The following DGKI variants were observed in gnomAD, a reference collection of about 807,000 sequenced individuals.
DGKI encodes the protein diacylglycerol kinase iota.
In DGKI, 55 loss-of-function variants were observed where a neutral mutation model predicts 147.5. The ratio of observed to expected loss-of-function variants is 0.37; its 90% CI spans 0.30 to 0.47. The LOEUF is 0.47. DGKI is among the 20% of genes least tolerant of loss of function. The probability of loss-of-function intolerance (pLI) is 1.00; values close to 1 mark genes in which losing one functional copy is unlikely to be tolerated. For missense variants in DGKI, 1,007 were observed against 1,323.8 expected, an observed-to-expected ratio of 0.76 and a Z score of 3.71; for synonymous variants, 469 against 477.1, an observed-to-expected ratio of 0.98 and a Z score of 0.22.
chr7:137,585,405 C>A (rs560443551), intron 13 of DGKI, 59 bp from the exon 14 acceptor site: 2 of 1,562,072 alleles, frequency 1.3e-6, no homozygotes, highest in South Asian at 1.2e-5. Flanking sequence ...GAAGCCAATG[C>A]TATTTTACGC....
chr7:137,395,974 T>C, intron 31 of DGKI: 1 of 403,120 alleles, frequency 2.5e-6, no homozygotes, highest in Non-Finnish European at 4.6e-6. Context: ...TTGATTTAGG[T>C]GATAGTCAAT....
rs116312112 is a variant in DGKI at position 137,489,709 on chromosome 7, C to A, written c.2249-2020G>T. ...TAGCTATAATTAACATAAGCATCCA[C>A]ATTGGAATCTTGCTTAATATTTCCT... On this transcript the variant is annotated intron_variant, in intron 21 of 32. Transcript: ENST00000614521. Among the ~76,000 whole-genome samples the A allele has an allele frequency of 3.6e-3, 547 of 152,252 alleles. 3 individuals are homozygous for A. Among genetic ancestry groups the A allele is most frequent in the African/African-American group, 0.012 (499 of 41,562 alleles).
rs1188400607 is a variant in DGKI, at chr7:137,609,052, C to T, written c.1081G>A (p.Gly361Ser). Reference protein sequence around the residue: ...SKRGMEQENKGRPFVIKPISS... With the variant: ...SKRGMEQENKSRPFVIKPISS... ...ATGGGTTTTATCACAAAAGGACGAC[C>T]TTTGTTTTCCTGCTGAAAGAAGCAA... Residue 361 changes from glycine to serine, a missense_variant, in exon 10 of 33, where the codon GGT becomes AGT. By Grantham distance (56) the Gly-to-Ser change is moderately conservative (BLOSUM62 0). This residue lies in a region of DGKI where 259 missense variants were observed against 362.5 expected (regional missense o/e 0.71). Transcript: ENST00000614521. The T allele has an allele frequency of 6.2e-7, 1 of 1,613,080 alleles. No homozygotes were observed. Among genetic ancestry groups the T allele is most frequent in the South Asian group, 1.1e-5 (1 of 91,042 alleles).
chr7:137,733,598 C>A (rs10270367), intron 1 of DGKI, among the ~76,000 whole-genome samples: 2,986 of 152,156 alleles, frequency 0.02, 98 homozygotes, highest in African/African-American at 0.067. Context: ...ATCAGGTACT[C>A]TACTAAGCAC....
Position 137,395,589 on chromosome 7 carries a change from T to A in DGKI, c.3057+9A>T. On this transcript the variant is annotated intron_variant, in intron 32 of 32. Transcript: ENST00000614521. ...GCGGGAGGATGTTTGCACTCACTCA[T>A]CGAGTTACCTTGGAGTCCGTCTTTC... 6.2e-7 allele frequency: 1 copy of A among 1,613,332 alleles called. No individual in the cohort carries two copies. The highest frequency in any genetic ancestry group is 8.5e-7 in the Non-Finnish European group (1 of 1,179,306).
chr7:137,587,564 A>G (rs1285876204), intron 12 of DGKI, among the ~76,000 whole-genome samples: 1 of 152,206 alleles, frequency 6.6e-6, no homozygotes, highest in Non-Finnish European at 1.5e-5. Flanking sequence ...ACTGAATTTC[A>G]ATTCTGACTC....
chr7:137,723,699 C>CT (rs769605042), intron 1 of DGKI, among the ~76,000 whole-genome samples: 1,263 of 104,412 alleles, frequency 0.012, 69 homozygotes, highest in Non-Finnish European at 0.017. Flanking sequence ...CATGATATCC[C>CT]TTTTTTTTTT....
At chr7:137,428,331 G>C (rs1812909357) in intron 28 of DGKI, among the ~76,000 whole-genome samples, 1 of 152,118 alleles carries the variant, frequency 6.6e-6, no homozygotes, top group Admixed American at 6.6e-5. Context: ...TGCAGAAAAG[G>C]CCTTTGACAA....
At chr7:137,391,670 G>A (rs775789546) in intron 32 of DGKI, among the ~76,000 whole-genome samples, 11 of 152,150 alleles carry the variant, frequency 7.2e-5, no homozygotes, top group Non-Finnish European at 1.2e-4. Flanking sequence ...GGTAAAGCGA[G>A]TTTTGAAACC....
intron 6 of DGKI, among the ~76,000 whole-genome samples, chr7:137,624,964 T>A (rs1820883360): frequency 6.6e-6 from 1 of 152,158 alleles, no homozygotes; most frequent in Non-Finnish European, 1.5e-5. Flanking sequence ...CTCTCCAGTC[T>A]TCTGTATGTG....
intron 21 of DGKI, among the ~76,000 whole-genome samples, chr7:137,503,998 T>C (rs115685653): frequency 6.6e-6 from 1 of 152,074 alleles, no homozygotes; most frequent in East Asian, 1.9e-4. Context: ...AACTAAAGCA[T>C]GTAAATAAAA....
chr7:137,529,408 G>A (rs747290331), intron 20 of DGKI, among the ~76,000 whole-genome samples: 2 of 152,026 alleles, frequency 1.3e-5, no homozygotes, highest in Non-Finnish European at 2.9e-5. Flanking sequence ...GGCCAGAATA[G>A]GGACCACTCA....
At chr7:137,419,169 T>C (rs1257756229) in intron 28 of DGKI, among the ~76,000 whole-genome samples, 1 of 152,092 alleles carries the variant, frequency 6.6e-6, no homozygotes, top group Non-Finnish European at 1.5e-5. Flanking sequence ...CAGCCAAAAA[T>C]GAAAATAACC....
In DGKI at chr7:137,543,349, T is replaced by C. The variant is rs144771369; in HGVS notation, c.2147+9020A>G. Among the ~76,000 whole-genome samples, 20 of 152,336 alleles carry C rather than the reference T, an allele frequency of 1.3e-4. No individual in the cohort carries two copies. In the East Asian group the frequency reaches 2.5e-3, roughly 19 times the overall value. ...TATTGGATGAGACCAGTAAATACCA[T>C]TGATTAAAATTCATCAATTCATATG... On this transcript the variant is annotated intron_variant, in intron 20 of 32. Transcript: ENST00000614521.
At chr7:137,432,037 G>A (rs1233629985) in intron 28 of DGKI, among the ~76,000 whole-genome samples, 2 of 152,186 alleles carry the variant, frequency 1.3e-5, no homozygotes, top group Non-Finnish European at 2.9e-5. Context: ...ACGAGATCTG[G>A]TTGTTTAAAA....
At chr7:137,491,166 G>T (rs1042455570) in intron 21 of DGKI, among the ~76,000 whole-genome samples, 6 of 152,110 alleles carry the variant, frequency 3.9e-5, no homozygotes, top group African/African-American at 1.4e-4. Flanking sequence ...TTGCAAACTG[G>T]CAGTACCGGG....
chr7:137,561,791 T>C (rs1480221647), intron 19 of DGKI, among the ~76,000 whole-genome samples: 5 of 151,966 alleles, frequency 3.3e-5, no homozygotes, highest in South Asian at 4.1e-4. Context: ...AAGGAAATAA[T>C]GATGCAAATG....
At chr7:137,828,413 T>C (rs779186740) in intron 1 of DGKI, among the ~76,000 whole-genome samples, 6 of 152,214 alleles carry the variant, frequency 3.9e-5, no homozygotes, top group African/African-American at 4.8e-5. Flanking sequence ...AAAACCCCAA[T>C]GTTCTCCCAG....
At chr7:137,540,715 A>C (rs1490267336) in intron 20 of DGKI, among the ~76,000 whole-genome samples, 1 of 140,356 alleles carries the variant, frequency 7.1e-6, no homozygotes, top group African/African-American at 2.7e-5. Flanking sequence ...TAGTATTTCT[A>C]TATACTAACA....
Sources: allele counts gnomAD v4.1 joint callset (sites outside exome capture counted in the v4.1 genomes callset), GRCh38; gene constraint gnomAD v4.1.1; regional missense constraint gnomAD v4.1.1; transcripts MANE v1.5; gene names NCBI Gene and HGNC (gene_info 2026-07-23, HGNC 2026-07-21).